MYO5B: variants seen among roughly 807,000 people sequenced by gnomAD.
MYO5B encodes myosin VB.
MYO5B carries 143 observed loss-of-function variants against 229.3 expected under a neutral mutation model. The ratio of observed to expected loss-of-function variants is 0.62; its 90% CI spans 0.54 to 0.72. The LOEUF is 0.72. Ranked by LOEUF, MYO5B falls within the 30% of genes least tolerant of loss-of-function variation. The pLI is 0.00. For missense variants in MYO5B, 2,321 were observed against 2,331.0 expected (o/e 1.00, Z 0.09); for synonymous variants, 918 against 885.2 (o/e 1.04, Z -0.66).
intron 1 of MYO5B, among the ~76,000 whole-genome samples, chr18:50,146,777 G>A (rs1183927041): frequency 6.6e-6 from 1 of 152,340 alleles, no homozygotes; most frequent in East Asian, 1.9e-4. Flanking sequence ...TGAACAAAGT[G>A]TAATCCATTT....
chr18:49,879,100 A>G lies in MYO5B; in HGVS notation c.3131-10T>C. On this transcript the variant is annotated splice_polypyrimidine_tract_variant and intron_variant, in intron 23 of 39. Coordinates refer to ENST00000285039, the MANE Select transcript of MYO5B (RefSeq NM_001080467.3). ...TTCTGGGCAAATTCATCTGGAAAGC[A>G]ACACGCTAAGCTGCAGTTTTTCTGG... 2 of 1,614,206 alleles carry G rather than the reference A, an allele frequency of 1.2e-6. No individual in the cohort carries two copies. The highest frequency in any genetic ancestry group is 1.7e-6 in the Non-Finnish European group (2 of 1,180,030).
At chr18:49,939,177 C>T (rs1407613753) in intron 14 of MYO5B, among the ~76,000 whole-genome samples, 1 of 130,004 alleles carries the variant, frequency 7.7e-6, no homozygotes, top group Non-Finnish European at 1.6e-5. Flanking sequence ...GAAACAGTCT[C>T]GCTCTGTTAC....
intron 8 of MYO5B, among the ~76,000 whole-genome samples, chr18:49,980,910 A>G (rs1205185039): frequency 6.6e-6 from 1 of 152,232 alleles, no homozygotes; most frequent in Non-Finnish European, 1.5e-5. Flanking sequence ...TTATGAGTTT[A>G]ATAAGAATGG....
intron 3 of MYO5B, among the ~76,000 whole-genome samples, chr18:50,039,802 A>G (rs894629595): frequency 6.6e-6 from 1 of 152,098 alleles, no homozygotes; most frequent in Non-Finnish European, 1.5e-5. Flanking sequence ...AAACAAGGCA[A>G]AACAAAACAA....
At chr18:49,997,792 C>T (rs2026005409) in intron 5 of MYO5B, among the ~76,000 whole-genome samples, 1 of 152,136 alleles carries the variant, frequency 6.6e-6, no homozygotes, top group African/African-American at 2.4e-5. Context: ...TCCGCCTCCT[C>T]AGACCTTCAA....
At position 50,110,915 on chromosome 18, in the gene MYO5B, CAGA is replaced by C. The variant is rs568062759; in HGVS notation, c.28-55540_28-55538del. On this transcript the variant is annotated intron_variant, in intron 1 of 39. Transcript: ENST00000285039. ...ATGCCTTACTGAATACAAAACATAT[CAGA>C]AGAAGATCCTGCAATCATAGTGTAC... Among the ~76,000 whole-genome samples, 533 of 152,258 alleles carry C rather than the reference CAGA, an allele frequency of 3.5e-3. 2 individuals are homozygous for C. The highest frequency in any genetic ancestry group is 0.012 in the African/African-American group (505 of 41,560).
At chr18:50,068,999 A>C (rs1414150990) in intron 1 of MYO5B, among the ~76,000 whole-genome samples, 1 of 152,088 alleles carries the variant, frequency 6.6e-6, no homozygotes, top group African/African-American at 2.4e-5. Flanking sequence ...CATAGAAGTC[A>C]ATCAGTTTAG....
In MYO5B at chr18:49,879,071, A is replaced by T; in HGVS notation, c.3150T>A (p.Ser1050=). Residue 1050 remains serine (S), a synonymous_variant, in exon 24 of 40, where the codon TCT becomes TCA. Coordinates refer to ENST00000285039, the MANE Select transcript of MYO5B (RefSeq NM_001080467.3). ...CQSKDEFAQN[S]VKENLMKKEL... ...CTTTCTTCATGAGATTTTCCTTCAC[A>T]GAGTTCTGGGCAAATTCATCTGGAA... 1 of 1,614,104 alleles carries T rather than the reference A, an allele frequency of 6.2e-7. No homozygotes were observed. Among genetic ancestry groups the T allele is most frequent in the Non-Finnish European group, 8.5e-7 (1 of 1,180,030 alleles).
At chr18:49,836,970 C>T (rs1052336507) in intron 37 of MYO5B, 85 bp from the exon 38 acceptor site, 43 of 1,308,072 alleles carry the variant, frequency 3.3e-5, no homozygotes, top group East Asian at 7.3e-5. Context: ...TTTGCAGGCC[C>T]GCTGCAGCTA....
At chr18:50,147,606 T>G (rs568427023) in intron 1 of MYO5B, among the ~76,000 whole-genome samples, 2 of 152,138 alleles carry the variant, frequency 1.3e-5, no homozygotes, top group Non-Finnish European at 2.9e-5. Flanking sequence ...AGTGATGAAA[T>G]CAAATTTAAG....
At chr18:50,003,861 C>G (rs545270166) in intron 4 of MYO5B, among the ~76,000 whole-genome samples, 1 of 152,232 alleles carries the variant, frequency 6.6e-6, no homozygotes, top group South Asian at 2.1e-4. Flanking sequence ...TAATAAGGAT[C>G]CAGGGGAAGC....
chr18:49,890,174 C>G (rs539296940), intron 22 of MYO5B, among the ~76,000 whole-genome samples: 138 of 152,318 alleles, frequency 9.1e-4, no homozygotes, highest in South Asian at 2.9e-3. Context: ...GTCTTCCCAG[C>G]CAGCTAACAC....
chr18:50,046,636 T>C (rs1261653694), intron 2 of MYO5B, among the ~76,000 whole-genome samples: 2 of 152,192 alleles, frequency 1.3e-5, no homozygotes, highest in Non-Finnish European at 2.9e-5. Flanking sequence ...TTAAGTCCAC[T>C]TACCCTCACT....
At chr18:50,089,555 A>C (rs535995885) in intron 1 of MYO5B, among the ~76,000 whole-genome samples, 267 of 150,992 alleles carry the variant, frequency 1.8e-3, no homozygotes, top group Non-Finnish European at 2.5e-3. Context: ...CTGAGCAATA[A>C]AGTGAGACCT....
intron 2 of MYO5B, among the ~76,000 whole-genome samples, chr18:50,043,491 T>C (rs1399952839): frequency 8.3e-6 from 1 of 121,016 alleles, no homozygotes; most frequent in Non-Finnish European, 1.6e-5. Flanking sequence ...AAATATATTT[T>C]TATATATAAA....
intron 1 of MYO5B, among the ~76,000 whole-genome samples, chr18:50,117,898 T>C (rs1168884334): frequency 1.3e-5 from 2 of 152,108 alleles, no homozygotes; most frequent in East Asian, 3.9e-4. Flanking sequence ...CTTTACACAG[T>C]AAGCACTTAC....
intron 1 of MYO5B, among the ~76,000 whole-genome samples, chr18:50,172,156 C>G (rs559420883): frequency 6.6e-6 from 1 of 152,036 alleles, no homozygotes; most frequent in Non-Finnish European, 1.5e-5. Context: ...TGGCACACAA[C>G]TGTAGTCCCA....
At chr18:49,885,449 C>T (rs1053697616) in intron 22 of MYO5B, among the ~76,000 whole-genome samples, 3 of 152,184 alleles carry the variant, frequency 2.0e-5, no homozygotes, top group Admixed American at 6.5e-5. Flanking sequence ...ATCAGACAGG[C>T]ACCTTTCAAA....
intron 1 of MYO5B, among the ~76,000 whole-genome samples, chr18:50,073,746 C>A (rs2031013877): frequency 6.6e-6 from 1 of 152,148 alleles, no homozygotes; most frequent in Non-Finnish European, 1.5e-5. Context: ...TCCTACCCCT[C>A]ACCTGTTTAT....
Sources: gnomAD v4.1 joint callset for allele counts (sites outside exome capture counted in the v4.1 genomes callset) on GRCh38, gnomAD v4.1.1 for gene constraint, MANE v1.5 for transcripts, NCBI Gene and HGNC (gene_info 2026-07-23, HGNC 2026-07-21) for gene names.